The following PLEKHH2 variants were observed in gnomAD, a reference collection of about 807,000 sequenced individuals.
The protein encoded by PLEKHH2 is pleckstrin homology, MyTH4 and FERM domain containing H2, also known as pleckstrin homology domain-containing family H member 2.
A neutral mutation model predicts 187.9 loss-of-function variants in PLEKHH2; 129 were observed. That is an observed-to-expected ratio of 0.69 (90% CI 0.59 to 0.79). The LOEUF is 0.79. PLEKHH2 is among the 30% of genes least tolerant of loss of function. The pLI is 0.00. For synonymous variants in PLEKHH2, 686 were observed against 605.6 expected (o/e 1.13, Z -1.95); for missense variants, 2,076 against 1,751.2 (o/e 1.19, Z -3.31).
chr2:43,650,331 C>G (rs1433374617), intron 2 of PLEKHH2, among the ~76,000 whole-genome samples: 1 of 151,786 alleles, frequency 6.6e-6, no homozygotes, highest in Non-Finnish European at 1.5e-5. Context: ...TGGGGTTTCA[C>G]CATGTTGGCC....
intron 28 of PLEKHH2, among the ~76,000 whole-genome samples, chr2:43,763,894 T>C (rs1220442221): frequency 6.6e-6 from 1 of 152,098 alleles, no homozygotes; most frequent in East Asian, 1.9e-4. Context: ...AACATAAATA[T>C]AAGAGATATA....
chr2:43,731,062 A>T (rs1294432977), intron 18 of PLEKHH2, among the ~76,000 whole-genome samples: 1 of 152,200 alleles, frequency 6.6e-6, no homozygotes, highest in Non-Finnish European at 1.5e-5. Flanking sequence ...TGTCTCACTC[A>T]TAAATGGGAG....
chr2:43,645,707 ACTT>A (rs1666150264), intron 2 of PLEKHH2, among the ~76,000 whole-genome samples: 1 of 152,144 alleles, frequency 6.6e-6, no homozygotes, highest in South Asian at 2.1e-4. Context: ...AATTTTACCC[ACTT>A]CTTTTTACTT....
chr2:43,659,147 A>G (rs1666939466), intron 2 of PLEKHH2, among the ~76,000 whole-genome samples: 1 of 146,206 alleles, frequency 6.8e-6, no homozygotes, highest in Admixed American at 6.7e-5. Flanking sequence ...TAATTTTTGT[A>G]TATATATATT....
Position 43,700,363 on chromosome 2 carries a change from T to A in PLEKHH2, c.1405T>A (p.Phe469Ile), listed in dbSNP as rs1669298431. 6.2e-7 allele frequency: 1 copy of A among 1,614,100 alleles called. No individual in the cohort carries two copies. The change falls in exon 8 of 30, where the codon TTT (phenylalanine) becomes ATT (isoleucine). Residue 469 changes from phenylalanine (F) to isoleucine (I), a missense_variant. Phe to Ile is a conservative substitution (Grantham distance 21). Coordinates refer to ENST00000282406, the MANE Select transcript of PLEKHH2 (RefSeq NM_172069.4). ...GCCACAGTTAAGCTCTGACAGGATG[T>A]TTGGTACAAATAGAAACGCTATAAG... is the stretch of plus-strand genomic sequence containing the variant. ...SQPQLSSDRM[F>I]GTNRNAISMI...
intron 25 of PLEKHH2, among the ~76,000 whole-genome samples, chr2:43,756,627 T>C (rs537260850): frequency 1.3e-5 from 2 of 152,304 alleles, no homozygotes; most frequent in South Asian, 4.1e-4. Context: ...AACTCAAATG[T>C]TTAAATTACA....
intron 23 of PLEKHH2, chr2:43,744,261 A>G (rs745334603): frequency 3.3e-6 from 2 of 601,936 alleles, no homozygotes; most frequent in Non-Finnish European, 4.6e-6. Context: ...ATAAGGGTAG[A>G]TATGTAGAAG....
intron 19 of PLEKHH2, among the ~76,000 whole-genome samples, chr2:43,736,499 C>T (rs760785564): frequency 3.9e-5 from 6 of 152,078 alleles, no homozygotes; most frequent in African/African-American, 7.2e-5. Context: ...TCCTGAGTCA[C>T]GGAGACAGAG....
chr2:43,692,403 C>A, intron 3 of PLEKHH2, 111 bp from the exon 4 acceptor site: 1 of 821,452 alleles, frequency 1.2e-6, no homozygotes, highest in Non-Finnish European at 1.9e-6. Flanking sequence ...TTAATATTTT[C>A]CTTTTTGAAG....
chr2:43,765,403 C>G lies in PLEKHH2; in HGVS notation c.4297-10C>G. 3 of 1,612,758 alleles carry G rather than the reference C, an allele frequency of 1.9e-6. No individual in the cohort carries two copies. The highest frequency in any genetic ancestry group is 2.2e-5 in the South Asian group (2 of 90,980). ...TAAGGAGCAAAACAATTCTGTTTTC[C>G]TTGTTTTAGATTCTTGAAATCACTC... On this transcript the variant is annotated splice_polypyrimidine_tract_variant and intron_variant, in intron 29 of 29. Coordinates refer to ENST00000282406, the MANE Select transcript of PLEKHH2 (RefSeq NM_172069.4).
chr2:43,677,800 C>G (rs144325829), intron 2 of PLEKHH2, among the ~76,000 whole-genome samples: 1 of 146,776 alleles, frequency 6.8e-6, no homozygotes, highest in Non-Finnish European at 1.5e-5. Context: ...CCTCACCTCC[C>G]GCACCGGGCA....
chr2:43,741,156 A>G (rs1044794741), intron 21 of PLEKHH2, 113 bp downstream of exon 21: 3 of 908,910 alleles, frequency 3.3e-6, no homozygotes, highest in African/African-American at 3.4e-5. Context: ...TATGAAACAA[A>G]TATTGGTACA....
At chr2:43,694,012 T>C (rs1283136173) in intron 4 of PLEKHH2, among the ~76,000 whole-genome samples, 1 of 152,130 alleles carries the variant, frequency 6.6e-6, no homozygotes, top group Non-Finnish European at 1.5e-5. Context: ...AGAGCTAGAA[T>C]TTCACTATGT....
intron 2 of PLEKHH2, chr2:43,658,597 G>C (rs79871397): frequency 6.6e-6 from 1 of 152,228 alleles, no homozygotes; most frequent in Admixed American, 6.5e-5. Flanking sequence ...CACCAAAATG[G>C]TTGTTGGCAA....
Position 43,700,294 on chromosome 2 carries a change from G to A in PLEKHH2, c.1336G>A (p.Val446Ile). 3 of 1,614,108 alleles carry A rather than the reference G, an allele frequency of 1.9e-6. No homozygotes were observed. The highest frequency in any genetic ancestry group is 1.6e-4 in the Middle Eastern group (1 of 6,062). Residue 446 changes from valine to isoleucine, a missense_variant, in exon 8 of 30, where the codon GTT becomes ATT. Transcript: ENST00000282406. ...ACCCCCAAAGTTAAGGATTCCTAATGTTTTCAGTATAAGTGTAGCACTAGC... is the reference window on the plus strand; with the variant it reads ...ACCCCCAAAGTTAAGGATTCCTAATATTTTCAGTATAAGTGTAGCACTAGC... ...LPPPKLRIPN[V>I]FSISVALAKR...
chr2:43,640,320 G>C (rs575472544), intron 1 of PLEKHH2, among the ~76,000 whole-genome samples: 5 of 151,692 alleles, frequency 3.3e-5, no homozygotes, highest in African/African-American at 4.8e-5. Context: ...CTCCCGAGTA[G>C]CTGGGACCAC....
chr2:43,716,359 A>G (rs891111622), intron 15 of PLEKHH2, among the ~76,000 whole-genome samples: 5 of 152,190 alleles, frequency 3.3e-5, no homozygotes, highest in African/African-American at 1.2e-4. Flanking sequence ...ATTGAGTGAT[A>G]TCATGTCTAA....
chr2:43,738,838 T>C (rs929910636), intron 20 of PLEKHH2, among the ~76,000 whole-genome samples: 3 of 152,190 alleles, frequency 2.0e-5, no homozygotes, highest in African/African-American at 7.2e-5. Context: ...CATGTTAACA[T>C]TAAGTACGAT....
intron 2 of PLEKHH2, among the ~76,000 whole-genome samples, chr2:43,655,944 A>T (rs1666736073): frequency 6.6e-6 from 1 of 150,662 alleles, no homozygotes; most frequent in Non-Finnish European, 1.5e-5. Context: ...CATCTATTTA[A>T]TCTGGAATGT....
Sources: gnomAD v4.1 joint callset for allele counts (sites outside exome capture counted in the v4.1 genomes callset) on GRCh38, gnomAD v4.1.1 for gene constraint, MANE v1.5 for transcripts, NCBI Gene and HGNC (gene_info 2026-07-23, HGNC 2026-07-21) for gene names.